The following BRCA2 variants were observed in gnomAD, a reference collection of about 807,000 sequenced individuals.
BRCA2 encodes the protein BRCA2 DNA repair associated.
In BRCA2, 203 loss-of-function variants were observed where a neutral mutation model predicts 276.7. The observed-to-expected ratio is 0.73, with a 90% CI of 0.65 to 0.82. BRCA2 has a LOEUF of 0.82. Ranked by LOEUF, BRCA2 falls within the 40% of genes least tolerant of loss-of-function variation. The pLI is 0.00. For missense variants in BRCA2, 3,920 were observed against 3,915.0 expected (o/e 1.00, Z -0.03); for synonymous variants, 1,289 against 1,338.4 (o/e 0.96, Z 0.81).
intron 10 of BRCA2, among the ~76,000 whole-genome samples, chr13:32,334,209 A>G (rs962692032): frequency 2.0e-5 from 3 of 152,200 alleles, no homozygotes; most frequent in African/African-American, 7.2e-5. Context: ...GTCTTCCACA[A>G]CGGTTGAACT....
rs80358844 is a variant in BRCA2, at chr13:32,340,425, C to G, written c.6070C>G (p.Gln2024Glu). 6.2e-7 allele frequency: 1 copy of G among 1,613,698 alleles called. No homozygotes were observed. The highest frequency in any genetic ancestry group is 8.5e-7 in the Non-Finnish European group (1 of 1,179,746). Residue 2024 changes from glutamine to glutamate, a missense_variant, in exon 11 of 27, where the codon CAG becomes GAG. By Grantham distance (29) the Gln-to-Glu change is conservative (BLOSUM62 2). This residue lies in a region of BRCA2 where 3,263 missense variants were observed against 3,156.9 expected (regional missense o/e 1.03). Coordinates refer to ENST00000380152, the MANE Select transcript of BRCA2 (RefSeq NM_000059.4). The part of the protein sequence containing the change: ...VLFKSNEHSD[Q>E]LTREENTAIR... ...GTTTAAAAGTAACGAACATTCAGAC[C>G]AGCTCACAAGAGAAGAAAATACTGC...
At chr13:32,375,993 C>G (rs1209150122) in intron 20 of BRCA2, among the ~76,000 whole-genome samples, 2 of 152,128 alleles carry the variant, frequency 1.3e-5, no homozygotes, top group African/African-American at 2.4e-5. Flanking sequence ...AGCTCTGTGA[C>G]AGAGACATGA....
At chr13:32,355,793 T>C (rs930955547) in intron 14 of BRCA2, among the ~76,000 whole-genome samples, 4 of 151,766 alleles carry the variant, frequency 2.6e-5, no homozygotes, top group Non-Finnish European at 5.9e-5. Flanking sequence ...GGCAGGAGAA[T>C]CGTTTGAACC....
At chr13:32,381,180 A>G (rs1414941065) in intron 24 of BRCA2, among the ~76,000 whole-genome samples, 1 of 152,184 alleles carries the variant, frequency 6.6e-6, no homozygotes, top group African/African-American at 2.4e-5. Flanking sequence ...TAATTCATCA[A>G]TATTTATTTA....
In BRCA2 at chr13:32,338,486, C is replaced by CTGAGGA. The variant is rs80359429; in HGVS notation, c.4131_4132insTGAGGA (p.Asn1377_Thr1378insTer). ...CTGGCCAGTTTATGAAGGAGGGAAA[C>CTGAGGA]ACTCAGATTAAAGAAGATTTGTCAG... On this transcript the variant is annotated stop_gained and inframe_insertion, in exon 11 of 27. Transcript: ENST00000380152. LOFTEE classifies it high-confidence loss of function. The CTGAGGA allele has an allele frequency of 6.2e-7, 1 of 1,610,192 alleles. No individual in the cohort carries two copies. Among genetic ancestry groups the CTGAGGA allele is most frequent in the Non-Finnish European group, 8.5e-7 (1 of 1,178,978 alleles).
rs532847894 is a variant in BRCA2 at position 32,332,651 on chromosome 13, G to C, written c.1173G>C (p.Leu391Phe). 1 of 1,614,080 alleles carries C rather than the reference G, an allele frequency of 6.2e-7. No homozygotes were observed. Among genetic ancestry groups the C allele is most frequent in the African/African-American group, 1.3e-5 (1 of 75,036 alleles). Residue 391 changes from leucine (L) to phenylalanine (F), a missense_variant, in exon 10 of 27, where the codon TTG (leucine) becomes TTC (phenylalanine). Physicochemically the swap from Leu to Phe is conservative, Grantham distance 22. This residue lies in a region of BRCA2 where 3,263 missense variants were observed against 3,156.9 expected (regional missense o/e 1.03). Coordinates refer to ENST00000380152, the MANE Select transcript of BRCA2 (RefSeq NM_000059.4). ...TCTCCAAGGAAGTTGTACCGTCTTT[G>C]GCCTGTGAATGGTCTCAACTAACCC... ...DKISKEVVPS[L>F]ACEWSQLTLS...
At position 32,340,258 on chromosome 13, in the gene BRCA2, C is replaced by T. The variant is rs587782597; in HGVS notation, c.5903C>T (p.Ser1968Leu). The T allele has an allele frequency of 1.9e-6, 3 of 1,613,828 alleles. No individual in the cohort carries two copies. The highest frequency in any genetic ancestry group is 2.5e-6 in the Non-Finnish European group (3 of 1,179,916). ...CKCSIGKLHK[S>L]VSSANTCGIF... Reference sequence around the variant, plus strand: ...TGTAGTATAGGGAAGCTTCATAAGTCAGTCTCATCTGCAAATACTTGTGGG... The same window carrying T: ...TGTAGTATAGGGAAGCTTCATAAGTTAGTCTCATCTGCAAATACTTGTGGG... The change falls in exon 11 of 27, where the codon TCA (serine) becomes TTA (leucine). Residue 1968 changes from serine (S) to leucine (L), a missense_variant. By Grantham distance (145) the Ser-to-Leu change is moderately radical. Transcript: ENST00000380152.
At chr13:32,334,753 A>G (rs2072435386) in intron 10 of BRCA2, among the ~76,000 whole-genome samples, 1 of 152,090 alleles carries the variant, frequency 6.6e-6, no homozygotes, top group Non-Finnish European at 1.5e-5. Context: ...TAAAATAATG[A>G]TTTATTGCTG....
In BRCA2 at chr13:32,398,689, A is replaced by G. The variant is rs876659206; in HGVS notation, c.10176A>G (p.Lys3392=). The G allele has an allele frequency of 1.2e-6, 2 of 1,614,204 alleles. No individual in the cohort carries two copies. Among genetic ancestry groups the G allele is most frequent in the Non-Finnish European group, 1.7e-6 (2 of 1,180,036 alleles). The change falls in exon 27 of 27, where the codon AAA becomes AAG. Residue 3392 remains lysine, a synonymous_variant. Transcript: ENST00000380152. ...LKRRCTTSLI[K]EQESSQASTE... is the part of the protein sequence containing the mutation. ...GACGTTGTACTACATCTCTGATCAA[A>G]GAACAGGAGAGTTCCCAGGCCAGTA...
chr13:32,324,556 T>A (rs1391276610), intron 3 of BRCA2, among the ~76,000 whole-genome samples: 2 of 152,084 alleles, frequency 1.3e-5, no homozygotes, highest in Non-Finnish European at 2.9e-5. Flanking sequence ...TCTTGAAAGG[T>A]TTTTAGCACA....
intron 14 of BRCA2, among the ~76,000 whole-genome samples, chr13:32,355,830 A>T (rs1271610603): frequency 6.6e-6 from 1 of 151,808 alleles, no homozygotes; most frequent in Non-Finnish European, 1.5e-5. Flanking sequence ...CAGTGAGCCG[A>T]GATCGCGCCA....
rs2137619177 is a variant in BRCA2, at chr13:32,379,346, C to T, written c.8784C>T (p.Ala2928=). The T allele has an allele frequency of 1.2e-6, 2 of 1,613,710 alleles. No homozygotes were observed. Among genetic ancestry groups the T allele is most frequent in the South Asian group, 1.1e-5 (1 of 91,036 alleles). ...ATTTCAGTGAAGAGCAGTTAAGAGC[C>T]TTGAATAATCACAGGCAAATGTTGA... ...EGYFSEEQLR[A]LNNHRQMLND... The change falls in exon 22 of 27, where the codon GCC becomes GCT. Residue 2928 remains alanine, a synonymous_variant. Transcript: ENST00000380152.
In BRCA2 at chr13:32,376,960, A is replaced by G. The variant is rs55817734; in HGVS notation, c.8754+169A>G. On this transcript the variant is annotated intron_variant, in intron 21 of 26. Transcript: ENST00000380152. The stretch of plus-strand genomic sequence containing the variant: ...TGATGTGCCAGACGAGTGTGGTGGT[A>G]TGTTTTCAACTATATACCGAGTAGA... 1.3e-3 allele frequency among the ~76,000 whole-genome samples: 205 copies of G among 152,312 alleles called. No homozygotes were observed. The highest frequency in any genetic ancestry group is 4.6e-3 in the African/African-American group (193 of 41,566).
intron 3 of BRCA2, among the ~76,000 whole-genome samples, chr13:32,321,332 C>T (rs1168483031): frequency 6.6e-6 from 1 of 152,114 alleles, no homozygotes; most frequent in South Asian, 2.1e-4. Context: ...CTCGTAAGCA[C>T]GTCTTGTAAG....
chr13:32,356,306 A>G (rs751481537), intron 14 of BRCA2, 122 bp from the exon 15 acceptor site: 52 of 943,780 alleles, frequency 5.5e-5, no homozygotes, highest in Non-Finnish European at 8.5e-5. Flanking sequence ...CCGACCTCAG[A>G]TGATCTGCCC....
rs2072682728 is a variant in BRCA2 at position 32,355,187 on chromosome 13, G to A, written c.7334G>A (p.Ser2445Asn). ...ATTGATGGACATGGCTCTGATGATA[G>A]TAAAAATAAGATTAATGACAATGAG... Reference protein sequence around the residue: ...QNIDGHGSDDSKNKINDNEIH... With the variant: ...QNIDGHGSDDNKNKINDNEIH... Residue 2445 changes from serine to asparagine, a missense_variant, in exon 14 of 27, where the codon AGT (serine) becomes AAT (asparagine). Physicochemically the swap from Ser to Asn is conservative, Grantham distance 46. Transcript: ENST00000380152. The A allele has an allele frequency of 6.3e-7, 1 of 1,576,350 alleles. No homozygotes were observed. Among genetic ancestry groups the A allele is most frequent in the Non-Finnish European group, 8.6e-7 (1 of 1,158,112 alleles).
Position 32,326,516 on chromosome 13 carries a change from A to G in BRCA2, c.534A>G (p.Lys178=), listed in dbSNP as rs28897703. ...PKFVKGRQTP[K]HISESLGAEV... ...CCTCCCAGGGTCGTCAGACACCAAA[A>G]CATATTTCTGAAAGTCTAGGAGCTG... The change falls in exon 7 of 27, where the codon AAA becomes AAG. Residue 178 remains lysine (K), a synonymous_variant. Transcript: ENST00000380152. 23 of 1,613,398 alleles carry G rather than the reference A, an allele frequency of 1.4e-5. No homozygotes were observed. The highest frequency in any genetic ancestry group is 2.0e-5 in the Non-Finnish European group (23 of 1,179,472).
Position 32,338,295 on chromosome 13 carries a change from A to C in BRCA2, c.3940A>C (p.Lys1314Gln). The C allele has an allele frequency of 6.3e-7, 1 of 1,577,788 alleles. No individual in the cohort carries two copies. The highest frequency in any genetic ancestry group is 1.2e-5 in the South Asian group (1 of 84,124). ...TGTTGAAGAAATTACTGAAAATTAC[A>C]AGAGAAATACTGAAAATGAAGATAA... is the stretch of plus-strand genomic sequence containing the variant. ...TFVEEITENY[K>Q]RNTENEDNKY... is the part of the protein sequence containing the mutation. The change falls in exon 11 of 27, where the codon AAG (lysine) becomes CAG (glutamine). Residue 1314 changes from lysine (K) to glutamine (Q), a missense_variant. Coordinates refer to ENST00000380152, the MANE Select transcript of BRCA2 (RefSeq NM_000059.4).
chr13:32,337,512 TTAGA>T lies in BRCA2; in HGVS notation c.3160_3163del (p.Asp1054IlefsTer5), dbSNP rs80359371. The T allele has an allele frequency of 6.2e-7, 1 of 1,608,266 alleles. No homozygotes were observed. The highest frequency in any genetic ancestry group is 8.5e-7 in the Non-Finnish European group (1 of 1,177,006). On this transcript the variant is annotated frameshift_variant, in exon 11 of 27. Coordinates refer to ENST00000380152, the MANE Select transcript of BRCA2 (RefSeq NM_000059.4). LOFTEE classifies it high-confidence loss of function. ...TGTTGAAATTGTAAATACCTTGGCA[TTAGA>T]TAATCAAAAGAAACTGAGCAAGCCT...
Sources: allele counts gnomAD v4.1 joint callset (sites outside exome capture counted in the v4.1 genomes callset), GRCh38; gene constraint gnomAD v4.1.1; regional missense constraint gnomAD v4.1.1; transcripts MANE v1.5; gene names NCBI Gene and HGNC (gene_info 2026-07-23, HGNC 2026-07-21).